ITPR1: variants seen among roughly 807,000 people sequenced by gnomAD.
The protein encoded by ITPR1 is inositol 1,4,5-trisphosphate-gated calcium channel ITPR1.
Under a neutral mutation model 318.4 loss-of-function variants are expected in ITPR1, and 96 were observed. That is an observed-to-expected ratio of 0.30 (90% CI 0.26 to 0.36). The LOEUF (loss-of-function observed/expected upper bound fraction) is 0.36, where lower values mean the gene tolerates loss of function less well. ITPR1 is among the 10% of genes least tolerant of loss of function. ITPR1 has a pLI of 1.00. For missense variants in ITPR1, 2,440 were observed against 3,460.2 expected, an observed-to-expected ratio of 0.71 and a Z score of 7.40; for synonymous variants, 1,312 against 1,289.9, an observed-to-expected ratio of 1.02 and a Z score of -0.37.
At position 4,516,713 on chromosome 3, in the gene ITPR1, A is replaced by G. The variant is rs1278479686; in HGVS notation, c.92+130A>G. ...CTTTCTAAGTGCGGTTGAAATCACAAACACCAAATCTCATGTTAGCCAAGT... is the reference window on the plus strand; with the variant it reads ...CTTTCTAAGTGCGGTTGAAATCACAGACACCAAATCTCATGTTAGCCAAGT... On this transcript the variant is annotated intron_variant, in intron 3 of 61. Transcript: ENST00000649015. The G allele has an allele frequency of 4.4e-6, 3 of 681,442 alleles. No individual in the cohort carries two copies. The African/African-American group carries it at 5.7e-5, about 13-fold the overall frequency. The allele number at this position is 681,442 out of a possible 1,614,324, so 42.2% of individuals were successfully genotyped here.
chr3:4,622,070 G>A (rs1575763560), intron 4 of ITPR1, among the ~76,000 whole-genome samples: 1 of 146,240 alleles, frequency 6.8e-6, no homozygotes, highest in South Asian at 2.2e-4. Flanking sequence ...GATCCCTGCT[G>A]TATTTTCAGC....
At chr3:4,789,647 T>C (rs1334698005) in intron 52 of ITPR1, among the ~76,000 whole-genome samples, 1 of 151,980 alleles carries the variant, frequency 6.6e-6, no homozygotes, top group African/African-American at 2.4e-5. Flanking sequence ...TGAGACAGAG[T>C]CTTGGTCTGT....
In ITPR1 at chr3:4,685,133, A is replaced by G. The variant is rs2094369608; in HGVS notation, c.3629A>G (p.Gln1210Arg). The G allele has an allele frequency of 6.2e-7, 1 of 1,610,862 alleles. No individual in the cohort carries two copies. Among genetic ancestry groups the G allele is most frequent in the African/African-American group, 1.3e-5 (1 of 75,050 alleles). ...ESASVRKSRK[Q>R]QQRLLRNMGA... is the part of the protein sequence containing the mutation. ...GCCTCAGTGAGAAAGAGCAGGAAGC[A>G]GCAACAGCGTCTGCTCCGGAACATG... The change falls in exon 30 of 62, where the codon CAG becomes CGG. Residue 1210 changes from glutamine to arginine, a missense_variant. This residue lies in a region of ITPR1 where 222 missense variants were observed against 318.8 expected (regional missense o/e 0.70). Coordinates refer to ENST00000649015, the MANE Select transcript of ITPR1 (RefSeq NM_001378452.1).
chr3:4,703,195 A>G (rs1192980698), intron 36 of ITPR1, among the ~76,000 whole-genome samples: 1 of 152,194 alleles, frequency 6.6e-6, no homozygotes, highest in African/African-American at 2.4e-5. Context: ...ACAAGCTTCC[A>G]TGGTTGTTAG....
At chr3:4,626,304 T>G (rs917121271) in intron 4 of ITPR1, among the ~76,000 whole-genome samples, 1 of 152,144 alleles carries the variant, frequency 6.6e-6, no homozygotes, top group African/African-American at 2.4e-5. Context: ...AGATTAAGAT[T>G]AAACAATAAT....
intron 4 of ITPR1, among the ~76,000 whole-genome samples, chr3:4,622,664 C>A (rs1303005960): frequency 6.6e-6 from 1 of 151,996 alleles, no homozygotes; most frequent in Non-Finnish European, 1.5e-5. Flanking sequence ...CCTCCTGTCT[C>A]GGCCTCCCAA....
At chr3:4,550,418 C>T (rs566640667) in intron 4 of ITPR1, among the ~76,000 whole-genome samples, 93 of 152,268 alleles carry the variant, frequency 6.1e-4, no homozygotes, top group Admixed American at 1.6e-3. Context: ...GATTTTATTG[C>T]GTGCTTCATG....
rs1374545594 is a variant in ITPR1, at chr3:4,706,370, A to G, written c.4842+19A>G. On this transcript the variant is annotated intron_variant, in intron 37 of 61. Transcript: ENST00000649015. ...ATTGCAGGTAATGCCTGGTGTTGAG[A>G]GAAGTGATGCTTAGCCTGGCCTCAC... 2 of 1,589,480 alleles carry G rather than the reference A, an allele frequency of 1.3e-6. No individual in the cohort carries two copies. Among genetic ancestry groups the G allele is most frequent in the Non-Finnish European group, 8.6e-7 (1 of 1,164,794 alleles).
chr3:4,738,681 G>A lies in ITPR1; in HGVS notation c.5544+3327G>A, dbSNP rs534509941. On this transcript the variant is annotated intron_variant, in intron 44 of 61. Transcript: ENST00000649015. ...GGAGCACCCTGATGGTGACGGCCAGGCACACAGAAGCTGTTTTTCCTTCAA... is the reference window on the plus strand; with the variant it reads ...GGAGCACCCTGATGGTGACGGCCAGACACACAGAAGCTGTTTTTCCTTCAA... 2.0e-5 allele frequency among the ~76,000 whole-genome samples: 3 copies of A among 151,980 alleles called. No individual in the cohort carries two copies. The East Asian group carries it at 5.8e-4, about 29-fold the overall frequency.
At chr3:4,610,851 T>G in intron 4 of ITPR1, among the ~76,000 whole-genome samples, 1 of 145,760 alleles carries the variant, frequency 6.9e-6, no homozygotes, top group Non-Finnish European at 1.5e-5. Flanking sequence ...CTCTTTCCCT[T>G]TCCTGTTCCC....
rs559282507 is a variant in ITPR1 at position 4,537,141 on chromosome 3, T to C, written c.163+16047T>C. On this transcript the variant is annotated intron_variant, in intron 4 of 61. Transcript: ENST00000649015. ...TCTTCGGGTTTTGATATCAAGGTTA[T>C]ACCACACTGAAAATGAGTTGTGGAG... 3.3e-5 allele frequency among the ~76,000 whole-genome samples: 5 copies of C among 152,184 alleles called. No individual in the cohort carries two copies. In the South Asian group the frequency reaches 1.0e-3, roughly 32 times the overall value.
intron 60 of ITPR1, among the ~76,000 whole-genome samples, chr3:4,829,078 C>T (rs984880000): frequency 6.6e-6 from 1 of 152,184 alleles, no homozygotes; most frequent in Non-Finnish European, 1.5e-5. Context: ...TTGCATAATG[C>T]TTTCCAGTTT....
intron 7 of ITPR1, among the ~76,000 whole-genome samples, chr3:4,643,182 A>G (rs1016985409): frequency 2.6e-5 from 4 of 152,252 alleles, no homozygotes; most frequent in African/African-American, 9.6e-5. Flanking sequence ...AGCCCAGTAA[A>G]ACTTAGGTTT....
At chr3:4,708,490 A>G (rs1173932450) in intron 37 of ITPR1, among the ~76,000 whole-genome samples, 3 of 152,106 alleles carry the variant, frequency 2.0e-5, no homozygotes, top group Non-Finnish European at 4.4e-5. Context: ...AACAAAGAGA[A>G]CCAGTTCTTG....
At chr3:4,803,996 C>T (rs759600310) in intron 54 of ITPR1, among the ~76,000 whole-genome samples, 20 of 152,016 alleles carry the variant, frequency 1.3e-4, no homozygotes, top group Non-Finnish European at 2.8e-4. Flanking sequence ...CTCAGCCTCC[C>T]AGGTAGCTGG....
chr3:4,724,119 A>G (rs550793918), intron 40 of ITPR1, among the ~76,000 whole-genome samples: 1 of 152,244 alleles, frequency 6.6e-6, no homozygotes, highest in African/African-American at 2.4e-5. Context: ...CACCCCGAGC[A>G]GGAGGCTGCA....
chr3:4,592,239 A>G (rs551606375), intron 4 of ITPR1, among the ~76,000 whole-genome samples: 4 of 152,362 alleles, frequency 2.6e-5, no homozygotes, highest in Admixed American at 2.6e-4. Context: ...TGCGAGATTC[A>G]GTCCCGCATA....
chr3:4,842,558 G>A (rs749470203), intron 61 of ITPR1, among the ~76,000 whole-genome samples: 2 of 152,088 alleles, frequency 1.3e-5, no homozygotes, highest in Non-Finnish European at 2.9e-5. Flanking sequence ...AGTAGAGATG[G>A]GGTTTTACCA....
At chr3:4,586,725 AT>A (rs11328041) in intron 4 of ITPR1, among the ~76,000 whole-genome samples, 23,420 of 138,246 alleles carry the variant, frequency 0.17, 2,998 homozygotes, top group East Asian at 0.37. Flanking sequence ...CCCAGGCTGG[AT>A]TTTTTTTTTT....
Sources: gnomAD v4.1 joint callset for allele counts (sites outside exome capture counted in the v4.1 genomes callset) on GRCh38, gnomAD v4.1.1 for gene constraint, gnomAD v4.1.1 regional missense constraint, MANE v1.5 for transcripts, NCBI Gene and HGNC (gene_info 2026-07-23, HGNC 2026-07-21) for gene names.